The following VRK2 variants were observed in gnomAD, a reference collection of about 807,000 sequenced individuals.
VRK2 encodes serine/threonine-protein kinase VRK2.
VRK2 carries 60 observed loss-of-function variants against 57.6 expected under a neutral mutation model. That is an observed-to-expected ratio of 1.04 (90% CI 0.85 to 1.29). The LOEUF (loss-of-function observed/expected upper bound fraction) is 1.29. Among genes scored for constraint, VRK2 ranks in the 50% most tolerant of loss-of-function variants. The pLI, the probability that VRK2 is intolerant of heterozygous loss-of-function variation, is 0.00. For synonymous variants in VRK2, 231 were observed against 199.2 expected (o/e 1.16, Z -1.35); for missense variants, 705 against 588.1 (o/e 1.20, Z -2.06).
At chr2:58,003,106 A>G (rs935095154) in intron 1 of VRK2, among the ~76,000 whole-genome samples, 2 of 152,212 alleles carry the variant, frequency 1.3e-5, no homozygotes, top group Non-Finnish European at 2.9e-5. Flanking sequence ...CTGATAATTG[A>G]CCATAACAAA....
chr2:57,997,434 C>G (rs530222374), intron 1 of VRK2, among the ~76,000 whole-genome samples: 1 of 152,178 alleles, frequency 6.6e-6, no homozygotes, highest in East Asian at 1.9e-4. Flanking sequence ...AGGGAAACTA[C>G]TATGCATTGA....
chr2:58,081,855 T>G (rs1271243102), intron 2 of VRK2, among the ~76,000 whole-genome samples: 8 of 120,366 alleles, frequency 6.6e-5, no homozygotes, highest in Admixed American at 3.8e-4. Context: ...ATATACCATG[T>G]CCGTGTGTGT....
At chr2:58,149,953 T>A (rs1682739180) in intron 12 of VRK2, among the ~76,000 whole-genome samples, 1 of 151,082 alleles carries the variant, frequency 6.6e-6, no homozygotes, top group African/African-American at 2.4e-5. Flanking sequence ...TTTTTATACC[T>A]AGACTGATGA....
chr2:58,118,159 C>A (rs1328197712), intron 7 of VRK2, among the ~76,000 whole-genome samples: 1 of 151,210 alleles, frequency 6.6e-6, no homozygotes, highest in East Asian at 1.9e-4. Context: ...GGGTTCTTGC[C>A]CCTCCCCCAG....
chr2:58,113,842 T>TGGGCTC (rs1675979990), intron 7 of VRK2, among the ~76,000 whole-genome samples: 1 of 152,168 alleles, frequency 6.6e-6, no homozygotes, highest in Non-Finnish European at 1.5e-5. Context: ...CGGCTTGGCT[T>TGGGCTC]GGGCTCAGAG....
At chr2:58,124,071 A>T (rs1293955634) in intron 8 of VRK2, among the ~76,000 whole-genome samples, 1 of 152,210 alleles carries the variant, frequency 6.6e-6, no homozygotes, top group Non-Finnish European at 1.5e-5. Context: ...TAAATTACAT[A>T]CATAGTCCTT....
rs397868874 is a variant in VRK2 at position 58,120,184 on chromosome 2, C to CTTTTTTTTTTTTTT, written c.544-2906_544-2893dup. Among the ~76,000 whole-genome samples, 87 of 51,974 alleles carry CTTTTTTTTTTTTTT rather than the reference C, an allele frequency of 1.7e-3. 6 individuals carry two copies. Among genetic ancestry groups the CTTTTTTTTTTTTTT allele is most frequent in the African/African-American group, 5.6e-3 (54 of 9,636 alleles). 34.1% of individuals were successfully genotyped at this position (51,974 alleles called of 152,430 possible). On this transcript the variant is annotated intron_variant, in intron 7 of 12. Transcript: ENST00000340157. ...CTTTTTGTCTATTTTTTTTTCTTTT[C>CTTTTTTTTTTTTTT]TTTTTTTTTTTTTTTTTTTTTTTTG...
At chr2:57,994,142 T>A (rs1184519909) in intron 1 of VRK2, among the ~76,000 whole-genome samples, 1 of 152,130 alleles carries the variant, frequency 6.6e-6, no homozygotes, top group Non-Finnish European at 1.5e-5. Flanking sequence ...TCTATTTGAG[T>A]TTCTTAAAGA....
upstream of VRK2, among the ~76,000 whole-genome samples, chr2:58,041,805 G>C (rs1391633410): frequency 1.3e-5 from 2 of 151,992 alleles, no homozygotes; most frequent in African/African-American, 4.8e-5. Context: ...TAATACCCTT[G>C]GTCTCCACAA....
chr2:57,908,671 A>C (rs1401841429), intron 1 of VRK2, among the ~76,000 whole-genome samples: 1 of 152,226 alleles, frequency 6.6e-6, no homozygotes, highest in Admixed American at 6.5e-5. Flanking sequence ...TGTGTGTGAC[A>C]GGTTTTTAGT....
chr2:58,115,013 A>G (rs1278132412), intron 7 of VRK2, among the ~76,000 whole-genome samples: 1 of 152,064 alleles, frequency 6.6e-6, no homozygotes, highest in Non-Finnish European at 1.5e-5. Flanking sequence ...CCTGAGGAGT[A>G]GTAGAATAGC....
chr2:58,094,986 GT>G (rs1334446773), intron 7 of VRK2, among the ~76,000 whole-genome samples: 1 of 152,106 alleles, frequency 6.6e-6, no homozygotes, highest in Non-Finnish European at 1.5e-5. Flanking sequence ...GTATTATTTT[GT>G]TTAGTTTCAT....
At chr2:58,098,925 TA>T (rs1261011196) in intron 7 of VRK2, among the ~76,000 whole-genome samples, 3 of 152,092 alleles carry the variant, frequency 2.0e-5, no homozygotes, top group Non-Finnish European at 4.4e-5. Context: ...CATTGATAGG[TA>T]GGTAGATATT....
chr2:58,157,495 C>T (rs1684096911), intron 12 of VRK2, among the ~76,000 whole-genome samples: 1 of 152,138 alleles, frequency 6.6e-6, no homozygotes. Flanking sequence ...TAAATGTCCT[C>T]TGTGGGGCAG....
chr2:58,139,910 A>C, intron 11 of VRK2, 78 bp downstream of exon 11: 7 of 1,424,328 alleles, frequency 4.9e-6, no homozygotes, highest in Non-Finnish European at 5.7e-6. Flanking sequence ...TTTAGGTCTC[A>C]AAATGAGTCT....
At chr2:58,134,617 CAA>C (rs70954875) in intron 9 of VRK2, among the ~76,000 whole-genome samples, 6 of 73,090 alleles carry the variant, frequency 8.2e-5, no homozygotes, top group Non-Finnish European at 1.2e-4. Context: ...GACTCCGTCT[CAA>C]AAAAAAAAAA....
intron 1 of VRK2, among the ~76,000 whole-genome samples, chr2:58,003,647 C>T (rs1473250889): frequency 6.6e-6 from 1 of 152,096 alleles, no homozygotes; most frequent in Admixed American, 6.5e-5. Context: ...ATGTCCTCTA[C>T]CTTTTCTGGC....
chr2:57,909,608 T>C (rs1669925455), intron 1 of VRK2, among the ~76,000 whole-genome samples: 1 of 152,136 alleles, frequency 6.6e-6, no homozygotes, highest in South Asian at 2.1e-4. Flanking sequence ...ATTTGAGAAA[T>C]AATTATCCTT....
intron 7 of VRK2, among the ~76,000 whole-genome samples, chr2:58,116,168 G>A (rs548085979): frequency 1.3e-4 from 20 of 152,242 alleles, no homozygotes; most frequent in Admixed American, 1.1e-3. Flanking sequence ...TGGGATATTG[G>A]CATTGAGTGG....
Sources: allele counts gnomAD v4.1 joint callset (sites outside exome capture counted in the v4.1 genomes callset), GRCh38; gene constraint gnomAD v4.1.1; transcripts MANE v1.5; gene names NCBI Gene and HGNC (gene_info 2026-07-23, HGNC 2026-07-21).